FREM1: variants seen among roughly 807,000 people sequenced by gnomAD.
FREM1 encodes FRAS1-related extracellular matrix protein 1.
A neutral mutation model predicts 210.1 loss-of-function variants in FREM1; 220 were observed. The ratio of observed to expected loss-of-function variants is 1.05; its 90% CI spans 0.94 to 1.17. The LOEUF (loss-of-function observed/expected upper bound fraction) is 1.17, where lower values mean the gene tolerates loss of function less well. Among genes scored for constraint, FREM1 ranks in the 50% most tolerant of loss-of-function variants. FREM1 has a pLI of 0.00. For missense variants in FREM1, 3,454 were observed against 2,675.5 expected, an observed-to-expected ratio of 1.29 and a Z score of -6.42; for synonymous variants, 1,189 against 980.2, an observed-to-expected ratio of 1.21 and a Z score of -3.98.
chr9:14,853,011 G>C (rs1828051929), intron 5 of FREM1, among the ~76,000 whole-genome samples: 1 of 152,244 alleles, frequency 6.6e-6, no homozygotes, highest in African/African-American at 2.4e-5. Context: ...GTAAGAAAAA[G>C]ATTGATTAGG....
chr9:14,883,366 A>G (rs1835167277), intron 1 of FREM1, among the ~76,000 whole-genome samples: 1 of 152,228 alleles, frequency 6.6e-6, no homozygotes, highest in South Asian at 2.1e-4. Flanking sequence ...TAGAAGCAAT[A>G]AAGATCAAAA....
At chr9:14,895,133 C>T (rs1837482459) in intron 1 of FREM1, among the ~76,000 whole-genome samples, 1 of 152,124 alleles carries the variant, frequency 6.6e-6, no homozygotes, top group African/African-American at 2.4e-5. Flanking sequence ...AAACCCATGG[C>T]CGGTCTCAGC....
chr9:14,868,674 T>C, intron 2 of FREM1, 70 bp downstream of exon 2: 1 of 955,460 alleles, frequency 1.0e-6, no homozygotes, highest in Non-Finnish European at 1.7e-6. Context: ...CTGTTCTCTG[T>C]CCCCCCACAC....
At chr9:14,791,596 G>T (rs1448629983) in intron 22 of FREM1, among the ~76,000 whole-genome samples, 1 of 152,174 alleles carries the variant, frequency 6.6e-6, no homozygotes, top group African/African-American at 2.4e-5. Context: ...AAGGGGAGGT[G>T]GGACTGCAGT....
At chr9:14,799,241 G>C (rs957525407) in intron 20 of FREM1, among the ~76,000 whole-genome samples, 3 of 151,270 alleles carry the variant, frequency 2.0e-5, no homozygotes, top group African/African-American at 4.9e-5. Flanking sequence ...AACTGTGATT[G>C]CACAACCACA....
Position 14,776,039 on chromosome 9 carries a change from T to C in FREM1, c.4607A>G (p.Asp1536Gly). 6.2e-7 allele frequency: 1 copy of C among 1,613,954 alleles called. No homozygotes were observed. Among genetic ancestry groups the C allele is most frequent in the Non-Finnish European group, 8.5e-7 (1 of 1,179,846 alleles). ...SPDLLQLTDP[D>G]TPAENLTFLL... ...GAAGGTGAGGTTCTCCGCAGGTGTA[T>C]CAGGGTCGGTCAGCTGAAGGAGGTC... Residue 1536 changes from aspartate to glycine, a missense_variant, in exon 25 of 37, where the codon GAT becomes GGT. By Grantham distance (94) the Asp-to-Gly change is moderately conservative. Transcript: ENST00000380880.
At position 14,842,671 on chromosome 9, in the gene FREM1, G is replaced by C. The variant is rs1303501317; in HGVS notation, c.1394-11C>G. 9.4e-6 allele frequency: 15 copies of C among 1,600,324 alleles called. No homozygotes were observed. The highest frequency in any genetic ancestry group is 3.3e-5 in the Admixed American group (2 of 59,916). On this transcript the variant is annotated splice_polypyrimidine_tract_variant and intron_variant, in intron 8 of 36. Coordinates refer to ENST00000380880, the MANE Select transcript of FREM1 (RefSeq NM_001379081.2). ...GAAACCCTTTCCCCCCTGAGGGAGA[G>C]AGCAGAGATGGAGCAGATTGAGCAA... is the stretch of plus-strand genomic sequence containing the variant.
intron 1 of FREM1, among the ~76,000 whole-genome samples, chr9:14,871,771 G>C (rs987656682): frequency 7.0e-6 from 1 of 142,232 alleles, no homozygotes; most frequent in African/African-American, 3.1e-5. Context: ...TTTCTTCTAC[G>C]GTTTTTACGG....
At chr9:14,768,505 G>A (rs762824359) in intron 27 of FREM1, among the ~76,000 whole-genome samples, 25 of 151,950 alleles carry the variant, frequency 1.6e-4, no homozygotes, top group African/African-American at 3.4e-4. Context: ...TTAATATCAC[G>A]GGCCAGGTCT....
chr9:14,750,049 C>T, intron 30 of FREM1, 78 bp downstream of exon 30: 1 of 1,436,066 alleles, frequency 7.0e-7, no homozygotes, highest in Non-Finnish European at 9.6e-7. Flanking sequence ...AAGGTGTTAT[C>T]AAGCACGTTG....
chr9:14,847,788 G>T (rs1382352753), intron 7 of FREM1, among the ~76,000 whole-genome samples: 2 of 152,016 alleles, frequency 1.3e-5, no homozygotes, highest in Admixed American at 6.6e-5. Context: ...TACACGTACA[G>T]ACTATTCCAT....
At chr9:14,902,707 T>G (rs560309672) in intron 1 of FREM1, among the ~76,000 whole-genome samples, 1 of 152,322 alleles carries the variant, frequency 6.6e-6, no homozygotes, top group Non-Finnish European at 1.5e-5. Context: ...CTGAGGTTTT[T>G]GAAAGATTCT....
chr9:14,897,366 G>A (rs1837920032), intron 1 of FREM1, among the ~76,000 whole-genome samples: 1 of 152,142 alleles, frequency 6.6e-6, no homozygotes, highest in Non-Finnish European at 1.5e-5. Context: ...CCAGGTGCCT[G>A]AAACCATGTT....
intron 1 of FREM1, among the ~76,000 whole-genome samples, chr9:14,875,569 C>T (rs971689565): frequency 6.6e-6 from 1 of 152,190 alleles, no homozygotes; most frequent in Non-Finnish European, 1.5e-5. Context: ...TCTAGTTACA[C>T]ATTCGTCTAA....
intron 1 of FREM1, among the ~76,000 whole-genome samples, chr9:14,890,277 G>C (rs541427318): frequency 1.3e-5 from 2 of 152,322 alleles, no homozygotes; most frequent in South Asian, 4.1e-4. Context: ...AAATTCATTA[G>C]GTTTCCTTCC....
intron 1 of FREM1, among the ~76,000 whole-genome samples, chr9:14,902,486 C>T (rs1227162601): frequency 6.6e-6 from 1 of 152,142 alleles, no homozygotes; most frequent in Non-Finnish European, 1.5e-5. Context: ...CTTACAAAGC[C>T]ACAGATCAGG....
At chr9:14,770,257 G>C (rs1847290462) in intron 26 of FREM1, among the ~76,000 whole-genome samples, 1 of 152,000 alleles carries the variant, frequency 6.6e-6, no homozygotes, top group Non-Finnish European at 1.5e-5. Flanking sequence ...AAAAAGATCT[G>C]ACATCATTTA....
intron 1 of FREM1, among the ~76,000 whole-genome samples, chr9:14,890,430 C>A (rs531176162): frequency 2.6e-5 from 4 of 152,332 alleles, no homozygotes; most frequent in African/African-American, 7.2e-5. Flanking sequence ...ACGCTAAAAT[C>A]ACCTTCTAAA....
intron 3 of FREM1, among the ~76,000 whole-genome samples, chr9:14,861,844 C>T (rs1293312307): frequency 1.3e-5 from 2 of 152,048 alleles, no homozygotes; most frequent in Admixed American, 1.3e-4. Flanking sequence ...CAATTATAAT[C>T]TTATAGTTAT....
Sources: allele counts gnomAD v4.1 joint callset (sites outside exome capture counted in the v4.1 genomes callset), GRCh38; gene constraint gnomAD v4.1.1; transcripts MANE v1.5; gene names NCBI Gene and HGNC (gene_info 2026-07-23, HGNC 2026-07-21).